The following RALGAPA2 variants were observed in gnomAD, a reference collection of about 807,000 sequenced individuals.
RALGAPA2 encodes Ral GTPase activating protein catalytic subunit alpha 2, also known as ral GTPase-activating protein subunit alpha-2.
RALGAPA2 carries 139 observed loss-of-function variants against 230.4 expected under a neutral mutation model. The ratio of observed to expected loss-of-function variants is 0.60; its 90% confidence interval spans 0.53 to 0.69. The LOEUF is 0.69. Ranked by LOEUF, RALGAPA2 falls within the 30% of genes least tolerant of loss-of-function variation. The probability of loss-of-function intolerance (pLI) is 0.00; values close to 1 mark genes in which losing one functional copy is unlikely to be tolerated. For synonymous variants in RALGAPA2, 847 were observed against 837.8 expected, an observed-to-expected ratio of 1.01 and a Z score of -0.19; for missense variants, 2,163 against 2,276.0, an observed-to-expected ratio of 0.95 and a Z score of 1.01.
chr20:20,531,728 G>C lies in RALGAPA2; in HGVS notation c.3541C>G (p.Gln1181Glu). 1 of 1,609,062 alleles carries C rather than the reference G, an allele frequency of 6.2e-7. No homozygotes were observed. The highest frequency in any genetic ancestry group is 8.5e-7 in the Non-Finnish European group (1 of 1,177,572). ...EELAQCTSHPQVKEAINVIGV... is the reference protein window; with the variant it reads ...EELAQCTSHPEVKEAINVIGV... ...ATCACATTGATGGCCTCTTTCACCT[G>C]AGGGTGGCTTGTACACTGTGCAAGC... Residue 1181 changes from glutamine (Q) to glutamate (E), a missense_variant, in exon 27 of 40, where the codon CAG becomes GAG. Gln to Glu is a conservative substitution (Grantham distance 29). Transcript: ENST00000202677.
At chr20:20,630,893 T>C (rs55743202) in intron 9 of RALGAPA2, among the ~76,000 whole-genome samples, 7,880 of 152,118 alleles carry the variant, frequency 0.052, 283 homozygotes, top group Middle Eastern at 0.22. Flanking sequence ...TTTTGACCTA[T>C]AACTCCCATT....
At chr20:20,512,457 G>C in intron 32 of RALGAPA2, 56 bp downstream of exon 32, 1 of 1,435,842 alleles carries the variant, frequency 7.0e-7, no homozygotes, top group East Asian at 2.4e-5. Flanking sequence ...CTGATAAAAA[G>C]AACAAGTACA....
chr20:20,470,923 T>C (rs2061526052), intron 37 of RALGAPA2: 1 of 152,236 alleles, frequency 6.6e-6, no homozygotes, highest in Non-Finnish European at 1.5e-5. Flanking sequence ...AAATTAGGTA[T>C]AACAGTTGAT....
chr20:20,448,843 G>A (rs1252140243), intron 37 of RALGAPA2, among the ~76,000 whole-genome samples: 2 of 149,264 alleles, frequency 1.3e-5, no homozygotes, highest in Admixed American at 1.3e-4. Flanking sequence ...CTCAAAAAGC[G>A]ACCTGACTTT....
intron 20 of RALGAPA2, 143 bp downstream of exon 20, chr20:20,582,907 C>T: frequency 1.3e-6 from 1 of 798,090 alleles, no homozygotes; most frequent in South Asian, 2.2e-5. Flanking sequence ...ACCATCACTT[C>T]CTCCTATGGT....
chr20:20,501,567 C>T (rs2062376555), intron 35 of RALGAPA2, among the ~76,000 whole-genome samples: 1 of 152,330 alleles, frequency 6.6e-6, no homozygotes, highest in Non-Finnish European at 1.5e-5. Context: ...TTGATCTGTT[C>T]AGACCACCAA....
chr20:20,400,394 A>G (rs1050932111), intron 38 of RALGAPA2, among the ~76,000 whole-genome samples: 9 of 152,140 alleles, frequency 5.9e-5, no homozygotes, highest in Non-Finnish European at 1.3e-4. Context: ...GAGGAAGGGA[A>G]AGTGCATGGA....
intron 38 of RALGAPA2, among the ~76,000 whole-genome samples, chr20:20,404,069 G>C (rs1385055144): frequency 6.6e-6 from 1 of 151,170 alleles, no homozygotes; most frequent in Non-Finnish European, 1.5e-5. Flanking sequence ...CTATGCATCT[G>C]GATTTTATTG....
chr20:20,712,490 G>C lies in RALGAPA2; in HGVS notation c.-10C>G, dbSNP rs759741053. 3.9e-6 allele frequency: 6 copies of C among 1,543,912 alleles called. No individual in the cohort carries two copies. The South Asian group carries it at 7.2e-5, about 18-fold the overall frequency. ...TCCTTCGGGAGAACATCCCGCGGCA[G>C]GAAGCCCGGGCCCCGCCGGCGGGGC... On this transcript the variant is annotated 5_prime_UTR_variant, in exon 1 of 40. Transcript: ENST00000202677. This position sits in a 1 kb window ranked among gnomAD's most constrained non-coding sequence, Gnocchi z 5.5.
intron 37 of RALGAPA2, among the ~76,000 whole-genome samples, chr20:20,426,003 T>C (rs6046852): frequency 0.026 from 3,933 of 152,300 alleles, 127 homozygotes; most frequent in East Asian, 0.16. Context: ...AGCATGTCTT[T>C]ATCTGCAGCA....
At chr20:20,672,483 T>C (rs1309856750) in intron 3 of RALGAPA2, among the ~76,000 whole-genome samples, 1 of 152,060 alleles carries the variant, frequency 6.6e-6, no homozygotes, top group Non-Finnish European at 1.5e-5. Context: ...CACATAAGAA[T>C]GCCAAACCAA....
intron 38 of RALGAPA2, among the ~76,000 whole-genome samples, chr20:20,408,084 C>T (rs576775103): frequency 6.6e-6 from 1 of 152,356 alleles, no homozygotes; most frequent in South Asian, 2.1e-4. Context: ...AAGACCTGTG[C>T]TCCCTCTGCT....
chr20:20,640,120 A>T (rs1270194346), intron 6 of RALGAPA2, among the ~76,000 whole-genome samples: 1 of 152,176 alleles, frequency 6.6e-6, no homozygotes, highest in Non-Finnish European at 1.5e-5. Context: ...TCCCGTTCAA[A>T]TTCTGCTTTG....
chr20:20,605,581 A>G (rs183284185), intron 14 of RALGAPA2, among the ~76,000 whole-genome samples, 169 bp from the exon 15 acceptor site: 7 of 152,316 alleles, frequency 4.6e-5, no homozygotes, highest in African/African-American at 1.4e-4. Flanking sequence ...AACTATAATC[A>G]AAATTTAAGC....
At chr20:20,503,843 G>T (rs555437356) in intron 34 of RALGAPA2, among the ~76,000 whole-genome samples, 8 of 152,246 alleles carry the variant, frequency 5.3e-5, no homozygotes, top group Admixed American at 1.3e-4. Flanking sequence ...GATGGATTTT[G>T]GGGGTTTCTG....
chr20:20,684,287 G>A, intron 1 of RALGAPA2, among the ~76,000 whole-genome samples: 1 of 152,100 alleles, frequency 6.6e-6, no homozygotes, highest in Non-Finnish European at 1.5e-5. Flanking sequence ...CTCTAGCATG[G>A]AGGAGGTGGG....
Position 20,700,192 on chromosome 20 carries a change from G to A in RALGAPA2, c.106+12183C>T, listed in dbSNP as rs1050577228. Among the ~76,000 whole-genome samples, 7 of 152,080 alleles carry A rather than the reference G, an allele frequency of 4.6e-5. No homozygotes were observed. The East Asian group carries it at 5.8e-4, about 13-fold the overall frequency. On this transcript the variant is annotated intron_variant, in intron 1 of 39. Transcript: ENST00000202677. ...GCAGCTGGAGGCCATAAACCTAAGCGAATTAATGCAGGAACTGAAAACCAA... is the reference window on the plus strand; with the variant it reads ...GCAGCTGGAGGCCATAAACCTAAGCAAATTAATGCAGGAACTGAAAACCAA...
intron 38 of RALGAPA2, among the ~76,000 whole-genome samples, chr20:20,400,228 C>G (rs2059803817): frequency 6.6e-6 from 1 of 152,190 alleles, no homozygotes; most frequent in African/African-American, 2.4e-5. Context: ...TCCAAATGGC[C>G]CAAGGATGGC....
At chr20:20,512,403 C>T in intron 32 of RALGAPA2, 110 bp downstream of exon 32, 1 of 1,137,734 alleles carries the variant, frequency 8.8e-7, no homozygotes, top group Non-Finnish European at 1.2e-6. Context: ...AAAAATCTCC[C>T]TTCTCCTCTC....
Sources: gnomAD v4.1 joint callset for allele counts (sites outside exome capture counted in the v4.1 genomes callset) on GRCh38, gnomAD v4.1.1 for gene constraint, Gnocchi (gnomAD v3.1) non-coding constraint, MANE v1.5 for transcripts, NCBI Gene and HGNC (gene_info 2026-07-23, HGNC 2026-07-21) for gene names.